The following MEIKIN variants were observed in gnomAD, a reference collection of about 807,000 sequenced individuals.
The protein encoded by MEIKIN is meiotic kinetochore factor.
At position 131,903,113 on chromosome 5, in the gene MEIKIN, A is replaced by G. The variant is rs139481098; in HGVS notation, c.703+8702T>C. On this transcript the variant is annotated intron_variant, in intron 8 of 12. Coordinates refer to ENST00000442687, the MANE Select transcript of MEIKIN (RefSeq NM_001303622.2). Reference sequence around the variant, plus strand: ...AGATAAAAATAAAGAAGAAACAATGACAAAGAATGAACAAAACCTCCAAAA... The same window carrying G: ...AGATAAAAATAAAGAAGAAACAATGGCAAAGAATGAACAAAACCTCCAAAA... 9.3e-4 allele frequency among the ~76,000 whole-genome samples: 141 copies of G among 152,292 alleles called. 2 individuals carry two copies. The highest frequency in any genetic ancestry group is 9.7e-4 in the Non-Finnish European group (66 of 68,032).
intron 8 of MEIKIN, among the ~76,000 whole-genome samples, chr5:131,892,548 C>T (rs901898178): frequency 9.2e-5 from 14 of 152,110 alleles, no homozygotes; most frequent in African/African-American, 2.2e-4. Context: ...GTTCTTGTGC[C>T]GTGGTTTTCA....
At chr5:131,864,125 A>G (rs986111217) in intron 9 of MEIKIN, among the ~76,000 whole-genome samples, 2 of 152,064 alleles carry the variant, frequency 1.3e-5, no homozygotes, top group Non-Finnish European at 2.9e-5. Context: ...CAGCCAGTCT[A>G]TATCTTTTAA....
intron 5 of MEIKIN, among the ~76,000 whole-genome samples, chr5:131,923,321 A>G (rs1301764947): frequency 1.3e-5 from 2 of 152,220 alleles, no homozygotes; most frequent in African/African-American, 4.8e-5. Context: ...TACTAGGCAC[A>G]CTATGGTCCT....
At chr5:131,916,848 T>G (rs1751422110) in intron 7 of MEIKIN, 38 bp downstream of exon 7, 4 of 396,636 alleles carry the variant, frequency 1.0e-5, no homozygotes, top group Admixed American at 4.4e-5. Context: ...AATACAGGGT[T>G]TCAGAAGCTC....
chr5:131,944,431 T>C (rs1751925913), intron 3 of MEIKIN: 2 of 350,548 alleles, frequency 5.7e-6, no homozygotes, highest in South Asian at 3.0e-4. Context: ...ATTATGGACG[T>C]TTCTCCAAAA....
At chr5:131,942,824 A>G in intron 3 of MEIKIN, 129 bp from the exon 4 acceptor site, 1 of 374,132 alleles carries the variant, frequency 2.7e-6, no homozygotes, top group Non-Finnish European at 4.7e-6. Context: ...TATATAATAC[A>G]TTCATTCAGT....
At chr5:131,865,224 ATT>A (rs34459901) in intron 9 of MEIKIN, among the ~76,000 whole-genome samples, 473 of 145,748 alleles carry the variant, frequency 3.2e-3, no homozygotes, top group African/African-American at 7.2e-3. Flanking sequence ...GGATTTTGTG[ATT>A]TTTTTTTTTT....
At chr5:131,936,667 T>A (rs931264528) in intron 4 of MEIKIN, among the ~76,000 whole-genome samples, 5 of 152,260 alleles carry the variant, frequency 3.3e-5, no homozygotes, top group African/African-American at 1.2e-4. Flanking sequence ...GGATCTTGGG[T>A]CACTGCAACC....
At chr5:131,838,566 A>G (rs1163330544) in intron 11 of MEIKIN, among the ~76,000 whole-genome samples, 1 of 90,772 alleles carries the variant, frequency 1.1e-5, no homozygotes, top group African/African-American at 2.6e-5. Flanking sequence ...TTCCTGGTTC[A>G]GGAAGGTGTA....
chr5:131,814,924 A>G (rs1354525914), intron 12 of MEIKIN, among the ~76,000 whole-genome samples: 1 of 152,198 alleles, frequency 6.6e-6, no homozygotes, highest in Non-Finnish European at 1.5e-5. Context: ...GCAGCAGACA[A>G]CAACACTGAC....
At chr5:131,904,637 T>C (rs559501993) in intron 8 of MEIKIN, among the ~76,000 whole-genome samples, 87 of 152,306 alleles carry the variant, frequency 5.7e-4, no homozygotes, top group African/African-American at 2.0e-3. Context: ...AATCCCATTA[T>C]TGGGTATATA....
chr5:131,913,453 T>C (rs945963387), intron 7 of MEIKIN, among the ~76,000 whole-genome samples: 2 of 152,178 alleles, frequency 1.3e-5, no homozygotes, highest in African/African-American at 2.4e-5. Context: ...AGAAACTAAC[T>C]CCCAGTGACA....
chr5:131,879,821 T>C (rs890892372), intron 8 of MEIKIN, among the ~76,000 whole-genome samples: 3 of 152,218 alleles, frequency 2.0e-5, no homozygotes, highest in Non-Finnish European at 2.9e-5. Context: ...AGTCTTCCCT[T>C]TTCCTCTCTC....
At chr5:131,859,940 G>A (rs1411268544) in intron 9 of MEIKIN, among the ~76,000 whole-genome samples, 1 of 152,140 alleles carries the variant, frequency 6.6e-6, no homozygotes, top group Non-Finnish European at 1.5e-5. Flanking sequence ...ATATCATGCT[G>A]TTTGGGTTAG....
At chr5:131,882,717 A>C (rs1197048704) in intron 8 of MEIKIN, among the ~76,000 whole-genome samples, 1 of 152,202 alleles carries the variant, frequency 6.6e-6, no homozygotes, top group Non-Finnish European at 1.5e-5. Flanking sequence ...CACTTTACAC[A>C]ACCTGGTTAG....
chr5:131,824,376 C>A (rs373861523), intron 11 of MEIKIN, among the ~76,000 whole-genome samples: 3 of 151,596 alleles, frequency 2.0e-5, no homozygotes, highest in African/African-American at 7.3e-5. Flanking sequence ...AAAACTTAGC[C>A]AGGTGTGGTG....
At chr5:131,826,741 G>A (rs778128916) in intron 11 of MEIKIN, among the ~76,000 whole-genome samples, 7 of 149,700 alleles carry the variant, frequency 4.7e-5, no homozygotes, top group African/African-American at 7.7e-5. Context: ...CTTCCCCTGC[G>A]CTCTCTCTTT....
chr5:131,900,613 G>C (rs1403413526), intron 8 of MEIKIN, among the ~76,000 whole-genome samples: 4 of 152,174 alleles, frequency 2.6e-5, no homozygotes, highest in Non-Finnish European at 4.4e-5. Context: ...TCCTCTAGGA[G>C]ATTTTAGCCC....
At chr5:131,902,490 T>TTCTTGTACA (rs142088645) in intron 8 of MEIKIN, among the ~76,000 whole-genome samples, 63,879 of 151,282 alleles carry the variant, frequency 0.42, 17,865 homozygotes, top group African/African-American at 0.8. Context: ...GGAAGATGGT[T>TTCTTGTACA]TCTTGTACAT....
Sources: allele counts gnomAD v4.1 joint callset (sites outside exome capture counted in the v4.1 genomes callset), GRCh38; gene constraint gnomAD v4.1.1; transcripts MANE v1.5; gene names NCBI Gene and HGNC (gene_info 2026-07-23, HGNC 2026-07-21).